The following ZZZ3 variants were observed in gnomAD, a reference collection of about 807,000 sequenced individuals.
The protein encoded by ZZZ3 is ZZ-type zinc finger-containing protein 3.
Under a neutral mutation model 95.2 loss-of-function variants are expected in ZZZ3, and 22 were observed. The observed-to-expected ratio is 0.23, with a 90% CI of 0.17 to 0.33. ZZZ3 has a LOEUF of 0.33. Ranked by LOEUF, ZZZ3 falls within the 10% of genes least tolerant of loss-of-function variation. The pLI, the probability that ZZZ3 is intolerant of heterozygous loss-of-function variation, is 1.00. For missense variants in ZZZ3, 885 were observed against 1,066.5 expected (o/e 0.83, Z 2.37); for synonymous variants, 335 against 358.9 (o/e 0.93, Z 0.75).
At chr1:77,567,762 G>T (rs766772926) in intron 13 of ZZZ3, among the ~76,000 whole-genome samples, 1 of 152,138 alleles carries the variant, frequency 6.6e-6, no homozygotes, top group Non-Finnish European at 1.5e-5. Context: ...TCTGCAGAAT[G>T]AGTATATGCA....
chr1:77,660,357 A>G (rs1039150102), intron 1 of ZZZ3, among the ~76,000 whole-genome samples: 1 of 152,116 alleles, frequency 6.6e-6, no homozygotes, highest in Non-Finnish European at 1.5e-5. Flanking sequence ...CTGAAACTCT[A>G]CGCTCCTTAA....
intron 1 of ZZZ3, among the ~76,000 whole-genome samples, chr1:77,669,781 A>G (rs546422205): frequency 1.3e-5 from 2 of 152,216 alleles, no homozygotes; most frequent in South Asian, 4.1e-4. Context: ...AAAAGTTTAA[A>G]AAGGTTTATA....
intron 5 of ZZZ3, among the ~76,000 whole-genome samples, chr1:77,631,096 TG>T (rs1667767050): frequency 6.6e-6 from 1 of 152,228 alleles, no homozygotes; most frequent in Admixed American, 6.5e-5. Context: ...TTTTGTGTTA[TG>T]GCCCTGAATA....
Position 77,632,333 on chromosome 1 carries a change from G to C in ZZZ3, c.1022C>G (p.Thr341Arg). 1 of 1,614,200 alleles carries C rather than the reference G, an allele frequency of 6.2e-7. No homozygotes were observed. The highest frequency in any genetic ancestry group is 8.5e-7 in the Non-Finnish European group (1 of 1,180,024). Reference protein sequence around the residue: ...CKENTNNELDTSLESMPASGE... With the variant: ...CKENTNNELDRSLESMPASGE... Reference sequence around the variant, plus strand: ...GGAGGCTGGCATACTCTCAAGACTTGTGTCCAGTTCGTTATTGGTGTTTTC... The same window carrying C: ...GGAGGCTGGCATACTCTCAAGACTTCTGTCCAGTTCGTTATTGGTGTTTTC... The change falls in exon 5 of 15, where the codon ACA (threonine) becomes AGA (arginine). Residue 341 changes from threonine (T) to arginine (R), a missense_variant. Thr to Arg is a moderately conservative substitution (Grantham distance 71). Transcript: ENST00000370801.
chr1:77,651,940 T>A (rs1669849917), intron 1 of ZZZ3, among the ~76,000 whole-genome samples: 1 of 148,466 alleles, frequency 6.7e-6, no homozygotes, highest in Non-Finnish European at 1.5e-5. Context: ...CACTTGAACC[T>A]GGGAGGCAGA....
At chr1:77,621,061 G>A (rs1053358000) in intron 5 of ZZZ3, among the ~76,000 whole-genome samples, 1 of 152,194 alleles carries the variant, frequency 6.6e-6, no homozygotes, top group African/African-American at 2.4e-5. Context: ...CAGTTGTAGA[G>A]TTCCTCAAAT....
intron 5 of ZZZ3, among the ~76,000 whole-genome samples, chr1:77,621,438 C>A (rs1666850591): frequency 1.4e-5 from 2 of 147,524 alleles, no homozygotes. Context: ...GTGAGACCCT[C>A]CCTTTAAAAA....
rs142636958 is a variant in ZZZ3 at position 77,668,622 on chromosome 1, T to C, written c.-403+13963A>G. 6.3e-4 allele frequency among the ~76,000 whole-genome samples: 93 copies of C among 147,048 alleles called. 3 individuals are homozygous for C. In the East Asian group the frequency reaches 0.018, roughly 29 times the overall value. On this transcript the variant is annotated intron_variant, in intron 1 of 14. Transcript: ENST00000370801. ...ATGATCGCACCACTGCATTCCAGCC[T>C]GCGTGACAGAGCAAGACCCTGTCTC...
chr1:77,581,179 G>T, intron 8 of ZZZ3, 110 bp from the exon 9 acceptor site: 1 of 870,314 alleles, frequency 1.1e-6, no homozygotes, highest in South Asian at 1.5e-5. Flanking sequence ...CAAAATATTT[G>T]AGTAAATTTG....
intron 5 of ZZZ3, among the ~76,000 whole-genome samples, chr1:77,626,001 A>T (rs1667302170): frequency 1.3e-5 from 2 of 152,062 alleles, no homozygotes; most frequent in South Asian, 4.2e-4. Context: ...TGTCTCAAAA[A>T]AAAAAGAAAA....
At chr1:77,639,326 C>G in intron 4 of ZZZ3, 123 bp downstream of exon 4, 1 of 674,882 alleles carries the variant, frequency 1.5e-6, no homozygotes, top group Non-Finnish European at 2.3e-6. Context: ...AACAGCCAGC[C>G]AAACTACAAG....
At chr1:77,672,464 G>C (rs772828035) in intron 1 of ZZZ3, among the ~76,000 whole-genome samples, 1 of 152,202 alleles carries the variant, frequency 6.6e-6, no homozygotes, top group Non-Finnish European at 1.5e-5. Flanking sequence ...ATATGTAACA[G>C]AATCACTTGT....
chr1:77,670,259 ATT>A (rs5775413), intron 1 of ZZZ3, among the ~76,000 whole-genome samples: 2,811 of 145,660 alleles, frequency 0.019, 54 homozygotes, highest in East Asian at 0.09. Flanking sequence ...ACAACATGCA[ATT>A]TTTTTTTTTT....
chr1:77,633,256 A>G lies in ZZZ3; in HGVS notation c.99T>C (p.Ile33=). ...TAGAAGAGATTTCTTCAGGATGCGC[A>G]ATGCTACGATTCCTTAAAGTTCTAC... ...FCGRTLRNRS[I]AHPEEISSNS... is the part of the protein sequence containing the mutation. Residue 33 remains isoleucine (I), a synonymous_variant, in exon 5 of 15, where the codon ATT becomes ATC. Coordinates refer to ENST00000370801, the MANE Select transcript of ZZZ3 (RefSeq NM_015534.6). 1 of 1,614,096 alleles carries G rather than the reference A, an allele frequency of 6.2e-7. No homozygotes were observed. Among genetic ancestry groups the G allele is most frequent in the Non-Finnish European group, 8.5e-7 (1 of 1,179,992 alleles).
chr1:77,641,065 A>G (rs531938332), intron 3 of ZZZ3: 1 of 152,576 alleles, frequency 6.6e-6, no homozygotes, highest in Admixed American at 6.5e-5. Context: ...GTAACCCTTG[A>G]CTTGAAAACC....
intron 5 of ZZZ3, among the ~76,000 whole-genome samples, chr1:77,595,652 C>T (rs1455376976): frequency 2.6e-5 from 4 of 151,812 alleles, no homozygotes; most frequent in Admixed American, 1.3e-4. Flanking sequence ...TAATGCAATA[C>T]GGAGTAAATG....
intron 1 of ZZZ3, among the ~76,000 whole-genome samples, chr1:77,650,304 T>C (rs1415973512): frequency 1.3e-5 from 2 of 152,178 alleles, no homozygotes; most frequent in Non-Finnish European, 2.9e-5. Flanking sequence ...CATACAGCCA[T>C]TTCAATTATA....
intron 5 of ZZZ3, among the ~76,000 whole-genome samples, chr1:77,622,548 A>G (rs548673758): frequency 5.9e-4 from 90 of 152,206 alleles, no homozygotes; most frequent in Non-Finnish European, 1.1e-3. Flanking sequence ...TTAAAATATT[A>G]TACAGCAAAT....
intron 5 of ZZZ3, among the ~76,000 whole-genome samples, chr1:77,611,756 C>G (rs569164987): frequency 6.6e-6 from 1 of 152,088 alleles, no homozygotes; most frequent in Non-Finnish European, 1.5e-5. Context: ...ATAAACGATG[C>G]TGGGGAAACT....
Sources: gnomAD v4.1 joint callset for allele counts (sites outside exome capture counted in the v4.1 genomes callset) on GRCh38, gnomAD v4.1.1 for gene constraint, MANE v1.5 for transcripts, NCBI Gene and HGNC (gene_info 2026-07-23, HGNC 2026-07-21) for gene names.